The following SPOCK1 variants were observed in gnomAD, a reference collection of about 807,000 sequenced individuals.
SPOCK1 encodes the protein SPARC (osteonectin), cwcv and kazal like domains proteoglycan 1, also known as testican-1.
In SPOCK1, 23 loss-of-function variants were observed where a neutral mutation model predicts 55.3. The observed-to-expected ratio is 0.42, with a 90% CI of 0.30 to 0.59. The LOEUF (loss-of-function observed/expected upper bound fraction) is 0.59, where lower values mean the gene tolerates loss of function less well. Ranked by LOEUF, SPOCK1 falls within the 20% of genes least tolerant of loss-of-function variation. The probability of loss-of-function intolerance (pLI) is 0.22; values close to 1 mark genes in which losing one functional copy is unlikely to be tolerated. For missense variants in SPOCK1, 499 were observed against 552.5 expected (o/e 0.90, Z 0.97); for synonymous variants, 226 against 221.0 (o/e 1.02, Z -0.20).
chr5:137,194,848 A>T (rs1283197076), intron 3 of SPOCK1, among the ~76,000 whole-genome samples: 1 of 152,216 alleles, frequency 6.6e-6, no homozygotes, highest in African/African-American at 2.4e-5. Context: ...CGGCAGCTAC[A>T]AGCCCATTTC....
At chr5:137,438,802 G>C (rs921625335) in intron 2 of SPOCK1, among the ~76,000 whole-genome samples, 2 of 152,214 alleles carry the variant, frequency 1.3e-5, no homozygotes, top group African/African-American at 2.4e-5. Flanking sequence ...AGAGCAGTAG[G>C]AGGTAGACTA....
At chr5:137,161,305 T>C (rs750358220) in intron 3 of SPOCK1, among the ~76,000 whole-genome samples, 2 of 151,650 alleles carry the variant, frequency 1.3e-5, no homozygotes, top group Non-Finnish European at 2.9e-5. Context: ...AGGCCATATA[T>C]ATATATGGGA....
chr5:137,473,870 G>A (rs1753783835), intron 2 of SPOCK1, among the ~76,000 whole-genome samples: 1 of 152,182 alleles, frequency 6.6e-6, no homozygotes, highest in Non-Finnish European at 1.5e-5. Context: ...AGTGGATAAA[G>A]AAACTGTGGT....
chr5:137,459,430 C>G (rs953059120), intron 2 of SPOCK1, among the ~76,000 whole-genome samples: 2 of 145,140 alleles, frequency 1.4e-5, no homozygotes, highest in Non-Finnish European at 3.0e-5. Flanking sequence ...CTTCTACAAA[C>G]AGAGAGAGGC....
intron 2 of SPOCK1, among the ~76,000 whole-genome samples, chr5:137,317,413 C>A (rs1757897425): frequency 6.6e-6 from 1 of 152,174 alleles, no homozygotes; most frequent in East Asian, 1.9e-4. Context: ...ACCTATATTA[C>A]TGCCGTTTTG....
At chr5:137,040,328 A>G (rs1751971124) in intron 6 of SPOCK1, among the ~76,000 whole-genome samples, 1 of 152,252 alleles carries the variant, frequency 6.6e-6, no homozygotes. Flanking sequence ...CTGCCAATCC[A>G]CACTGGGCAT....
chr5:137,490,745 T>C (rs1411975401), intron 2 of SPOCK1, among the ~76,000 whole-genome samples: 1 of 151,978 alleles, frequency 6.6e-6, no homozygotes, highest in Non-Finnish European at 1.5e-5. Flanking sequence ...ATGATGAGAG[T>C]TGCCAGTTTT....
At chr5:137,191,033 G>C (rs1315558684) in intron 3 of SPOCK1, among the ~76,000 whole-genome samples, 3 of 152,132 alleles carry the variant, frequency 2.0e-5, no homozygotes, top group Non-Finnish European at 4.4e-5. Context: ...TTTGTATCTG[G>C]GGATACAGAA....
chr5:137,143,895 A>G (rs1405878598), intron 3 of SPOCK1, among the ~76,000 whole-genome samples: 1 of 151,986 alleles, frequency 6.6e-6, no homozygotes, highest in Non-Finnish European at 1.5e-5. Flanking sequence ...CAGAACCCAA[A>G]CTCTTCACCA....
rs73299807 is a variant in SPOCK1 at position 137,163,540 on chromosome 5, G to A, written c.233-22846C>T. Among the ~76,000 whole-genome samples the A allele has an allele frequency of 5.0e-3, 764 of 152,250 alleles. 5 individuals carry two copies. The highest frequency in any genetic ancestry group is 0.018 in the African/African-American group (732 of 41,534). ...TAATAACATCAGCCAACACTTCCTG[G>A]ATACAAATGTATGTGCAGGATGCTA... On this transcript the variant is annotated intron_variant, in intron 3 of 10. Coordinates refer to ENST00000394945, the MANE Select transcript of SPOCK1 (RefSeq NM_004598.4).
intron 3 of SPOCK1, among the ~76,000 whole-genome samples, chr5:137,254,400 T>G (rs750476964): frequency 2.0e-5 from 3 of 152,142 alleles, no homozygotes; most frequent in Non-Finnish European, 4.4e-5. Flanking sequence ...CCCTTTCCAC[T>G]GTCAAAAAAA....
chr5:137,222,453 T>C lies in SPOCK1; in HGVS notation c.232+44557A>G, dbSNP rs1344767581. Among the ~76,000 whole-genome samples, 3 of 152,206 alleles carry C rather than the reference T, an allele frequency of 2.0e-5. No individual in the cohort carries two copies. The East Asian group carries it at 5.8e-4, about 29-fold the overall frequency. On this transcript the variant is annotated intron_variant, in intron 3 of 10. Transcript: ENST00000394945. ...ACATAGATCATCAGGGATAATTATC[T>C]ATAGGTTTAAATAAGACCCTCAATT...
At chr5:137,109,724 T>C (rs1580755050) in intron 5 of SPOCK1, among the ~76,000 whole-genome samples, 2 of 152,176 alleles carry the variant, frequency 1.3e-5, no homozygotes, top group East Asian at 3.9e-4. Context: ...ACTGACTTAC[T>C]GCACTGGCCC....
intron 2 of SPOCK1, among the ~76,000 whole-genome samples, chr5:137,403,119 GCA>G (rs1206236859): frequency 6.6e-6 from 1 of 152,154 alleles, no homozygotes; most frequent in Non-Finnish European, 1.5e-5. Flanking sequence ...AGATACACTG[GCA>G]CCTTAATTCC....
intron 2 of SPOCK1, among the ~76,000 whole-genome samples, chr5:137,494,442 A>G (rs1165737224): frequency 6.6e-6 from 1 of 152,138 alleles, no homozygotes; most frequent in Non-Finnish European, 1.5e-5. Flanking sequence ...TCTCAGCTCT[A>G]ATTTTGATCA....
At position 137,147,558 on chromosome 5, in the gene SPOCK1, C is replaced by T. The variant is rs576038653; in HGVS notation, c.233-6864G>A. On this transcript the variant is annotated intron_variant, in intron 3 of 10. Transcript: ENST00000394945. ...GCTTTTTGCTACGTCCTTACATGGTCTTTCCTCGATGCAAGCACTTGGAGA... is the reference window on the plus strand; with the variant it reads ...GCTTTTTGCTACGTCCTTACATGGTTTTTCCTCGATGCAAGCACTTGGAGA... 6.6e-5 allele frequency among the ~76,000 whole-genome samples: 10 copies of T among 152,326 alleles called. No individual in the cohort carries two copies. The South Asian group carries it at 2.1e-3, about 32-fold the overall frequency.
chr5:137,429,375 T>G (rs917480631), intron 2 of SPOCK1, among the ~76,000 whole-genome samples: 1 of 152,246 alleles, frequency 6.6e-6, no homozygotes, highest in African/African-American at 2.4e-5. Flanking sequence ...ATCAGGTCTC[T>G]CATTACATAA....
intron 3 of SPOCK1, among the ~76,000 whole-genome samples, chr5:137,188,239 G>A (rs181838137): frequency 8.5e-4 from 130 of 152,260 alleles, no homozygotes; most frequent in African/African-American, 3.1e-3. Flanking sequence ...AGCCACACGT[G>A]GCCACCACTT....
chr5:137,186,854 C>G (rs536253011), intron 3 of SPOCK1, among the ~76,000 whole-genome samples: 66 of 152,318 alleles, frequency 4.3e-4, no homozygotes, highest in African/African-American at 1.6e-3. Flanking sequence ...CAAAACTGTT[C>G]TCACCAGAGG....
Sources: allele counts gnomAD v4.1 joint callset (sites outside exome capture counted in the v4.1 genomes callset), GRCh38; gene constraint gnomAD v4.1.1; transcripts MANE v1.5; gene names NCBI Gene and HGNC (gene_info 2026-07-23, HGNC 2026-07-21).